Variants in PCDH15 observed in about 807,000 individuals in gnomAD.
PCDH15 encodes protocadherin related 15, also known as protocadherin-15.
PCDH15 carries 129 observed loss-of-function variants against 178.5 expected under a neutral mutation model. The ratio of observed to expected loss-of-function variants is 0.72; its 90% CI spans 0.63 to 0.84. The LOEUF (loss-of-function observed/expected upper bound fraction) is 0.84, where lower values mean the gene tolerates loss of function less well. Among genes scored for constraint, PCDH15 ranks in the 40% least tolerant of loss-of-function variants. PCDH15 has a pLI of 0.00. For missense variants in PCDH15, 2,230 were observed against 2,099.9 expected, an observed-to-expected ratio of 1.06 and a Z score of -1.21; for synonymous variants, 800 against 732.0, an observed-to-expected ratio of 1.09 and a Z score of -1.50.
chr10:53,823,120 C>G (rs1564539129), intron 32 of PCDH15: 3 of 1,613,940 alleles, frequency 1.9e-6, no homozygotes, highest in Non-Finnish European at 2.5e-6. Context: ...TTTGTTGATA[C>G]TTGACTTATG....
At chr10:55,546,716 G>C (rs1036837139) in intron 2 of PCDH15, among the ~76,000 whole-genome samples, 1 of 152,062 alleles carries the variant, frequency 6.6e-6, no homozygotes, top group Non-Finnish European at 1.5e-5. Context: ...CTGCTTACTT[G>C]TTCAATTATT....
At chr10:54,151,663 C>A (rs560520805) in intron 14 of PCDH15, among the ~76,000 whole-genome samples, 113 of 151,978 alleles carry the variant, frequency 7.4e-4, no homozygotes, top group African/African-American at 2.7e-3. Flanking sequence ...CTAAAAAACA[C>A]AAAAAAATGC....
chr10:54,015,007 A>T (rs982545011), intron 20 of PCDH15, among the ~76,000 whole-genome samples: 3 of 152,154 alleles, frequency 2.0e-5, no homozygotes, highest in Admixed American at 6.6e-5. Context: ...CACCTAGAAA[A>T]CCCCATAGTC....
intron 2 of PCDH15, among the ~76,000 whole-genome samples, chr10:54,983,034 T>C (rs1839280163): frequency 6.6e-6 from 1 of 152,142 alleles, no homozygotes; most frequent in East Asian, 1.9e-4. Flanking sequence ...TTACAAGTTA[T>C]GTTCTGAACA....
chr10:54,669,410 G>T (rs2094621983), intron 1 of PCDH15, among the ~76,000 whole-genome samples: 1 of 149,712 alleles, frequency 6.7e-6, no homozygotes, highest in African/African-American at 2.5e-5. Context: ...CAATTTTATA[G>T]TACATTTATA....
intron 1 of PCDH15, among the ~76,000 whole-genome samples, chr10:54,681,783 C>G (rs1313634741): frequency 1.3e-5 from 2 of 152,078 alleles, no homozygotes; most frequent in Non-Finnish European, 2.9e-5. Context: ...CATGTGTGCA[C>G]TTGTGTTAAA....
At chr10:54,529,042 A>G (rs2083642581) in intron 2 of PCDH15, among the ~76,000 whole-genome samples, 1 of 151,938 alleles carries the variant, frequency 6.6e-6, no homozygotes, top group South Asian at 2.1e-4. Flanking sequence ...AAGTTTTCCA[A>G]ATTTGTGTGT....
At chr10:54,481,396 C>T (rs1021077113) in intron 3 of PCDH15, among the ~76,000 whole-genome samples, 1 of 151,492 alleles carries the variant, frequency 6.6e-6, no homozygotes, top group African/African-American at 2.4e-5. Context: ...ATAACAAATG[C>T]TGATAAATAT....
At chr10:54,384,049 G>A (rs944249835) in intron 3 of PCDH15, among the ~76,000 whole-genome samples, 1 of 148,402 alleles carries the variant, frequency 6.7e-6, no homozygotes, top group African/African-American at 2.5e-5. Flanking sequence ...GGCCAGGCTG[G>A]TCTTAAACTT....
intron 2 of PCDH15, among the ~76,000 whole-genome samples, chr10:54,996,301 G>A (rs1161265839): frequency 6.6e-6 from 1 of 152,184 alleles, no homozygotes; most frequent in Non-Finnish European, 1.5e-5. Flanking sequence ...GGATGGCTGA[G>A]TGTCTTTTGT....
chr10:55,014,035 T>C (rs1334852130), intron 2 of PCDH15, among the ~76,000 whole-genome samples: 1 of 152,074 alleles, frequency 6.6e-6, no homozygotes. Context: ...TACTGAACAG[T>C]TACTTTATAA....
intron 8 of PCDH15, among the ~76,000 whole-genome samples, chr10:54,295,743 G>A (rs1193684289): frequency 6.6e-6 from 1 of 152,156 alleles, no homozygotes; most frequent in Non-Finnish European, 1.5e-5. Context: ...CAACCACGAA[G>A]GGATAATCAC....
rs188658553 is a variant in PCDH15, at chr10:54,532,663, C to A, written c.92-4786G>T. 2.3e-3 allele frequency among the ~76,000 whole-genome samples: 346 copies of A among 152,228 alleles called. 2 individuals are homozygous for A. The highest frequency in any genetic ancestry group is 3.8e-3 in the Non-Finnish European group (261 of 68,024). On this transcript the variant is annotated intron_variant, in intron 2 of 37. Coordinates refer to ENST00000644397, the MANE Select transcript of PCDH15 (RefSeq NM_001384140.1). ...AAAACAACACTCTGTACATTAATTCCCTTTTTTCTTTTTAATTTTTCAAAT... is the reference window on the plus strand; with the variant it reads ...AAAACAACACTCTGTACATTAATTCACTTTTTTCTTTTTAATTTTTCAAAT...
intron 2 of PCDH15, among the ~76,000 whole-genome samples, chr10:54,905,053 T>C (rs7074512): frequency 0.73 from 109,977 of 151,180 alleles, 40,478 homozygotes; most frequent in East Asian, 0.89. Flanking sequence ...CACTTTCAAA[T>C]TCATATAAGA....
At chr10:54,218,996 G>A (rs937462180) in intron 9 of PCDH15, among the ~76,000 whole-genome samples, 1 of 150,176 alleles carries the variant, frequency 6.7e-6, no homozygotes, top group African/African-American at 2.4e-5. Context: ...GCTCACGCCT[G>A]TAATCCCAGC....
At chr10:55,507,973 G>T (rs929163553) in intron 2 of PCDH15, among the ~76,000 whole-genome samples, 1 of 151,678 alleles carries the variant, frequency 6.6e-6, no homozygotes, top group East Asian at 1.9e-4. Flanking sequence ...ATAAACTGAG[G>T]TATAATATCA....
At chr10:54,366,666 G>T (rs1299089533) in intron 5 of PCDH15, among the ~76,000 whole-genome samples, 2 of 112,462 alleles carry the variant, frequency 1.8e-5, no homozygotes, top group Non-Finnish European at 3.8e-5. Flanking sequence ...GAGAATAATA[G>T]CTAAATTTCT....
intron 2 of PCDH15, among the ~76,000 whole-genome samples, chr10:54,942,711 A>T (rs936277459): frequency 3.9e-5 from 6 of 151,970 alleles, no homozygotes; most frequent in African/African-American, 1.4e-4. Context: ...CTTATTTCTT[A>T]TAGAGTGCGG....
intron 26 of PCDH15, among the ~76,000 whole-genome samples, chr10:53,877,704 G>T (rs74137215): frequency 1.3e-5 from 2 of 151,882 alleles, no homozygotes; most frequent in African/African-American, 4.8e-5. Flanking sequence ...GCATAGGAAG[G>T]GCAACACCAT....
Sources: gnomAD v4.1 joint callset for allele counts (sites outside exome capture counted in the v4.1 genomes callset) on GRCh38, gnomAD v4.1.1 for gene constraint, MANE v1.5 for transcripts, NCBI Gene and HGNC (gene_info 2026-07-23, HGNC 2026-07-21) for gene names.